GLIS3: variants seen among roughly 807,000 people sequenced by gnomAD.
GLIS3 encodes zinc finger protein GLIS3.
In GLIS3, 53 loss-of-function variants were observed where a neutral mutation model predicts 78.6. The observed-to-expected ratio is 0.67, with a 90% CI of 0.54 to 0.85. GLIS3 has a LOEUF of 0.85. Among genes scored for constraint, GLIS3 ranks in the 40% least tolerant of loss-of-function variants. The pLI is 0.00. For missense variants in GLIS3, 1,703 were observed against 1,231.1 expected (o/e 1.38, Z -5.74); for synonymous variants, 684 against 509.9 (o/e 1.34, Z -4.60).
intron 6 of GLIS3, 135 bp downstream of exon 6, chr9:3,932,225 T>C (rs1825665663): frequency 2.9e-6 from 2 of 692,834 alleles, no homozygotes; most frequent in Non-Finnish European, 5.3e-6. Context: ...ATGGGAGACT[T>C]ACCTCCTCAA....
chr9:4,012,079 C>T (rs1822061498), intron 4 of GLIS3, among the ~76,000 whole-genome samples: 1 of 152,120 alleles, frequency 6.6e-6, no homozygotes. Flanking sequence ...GTAAAACATA[C>T]AACAAAACCC....
At chr9:4,261,383 CA>C (rs1825511817) in intron 2 of GLIS3, among the ~76,000 whole-genome samples, 2 of 151,908 alleles carry the variant, frequency 1.3e-5, no homozygotes, top group South Asian at 4.2e-4. Context: ...GAAAGGGAGA[CA>C]GGGGAGGGTA....
chr9:4,243,626 G>A (rs1445477360), intron 2 of GLIS3, among the ~76,000 whole-genome samples: 1 of 152,140 alleles, frequency 6.6e-6, no homozygotes. Flanking sequence ...AGATTTAATA[G>A]CCATTTTCAA....
chr9:4,025,589 T>C (rs973738745), intron 4 of GLIS3, among the ~76,000 whole-genome samples: 1 of 152,124 alleles, frequency 6.6e-6, no homozygotes, highest in Non-Finnish European at 1.5e-5. Flanking sequence ...GGTTTCACCA[T>C]GTTTGCCAGG....
intron 7 of GLIS3, among the ~76,000 whole-genome samples, chr9:3,882,285 A>T (rs375615957): frequency 2.6e-5 from 4 of 151,912 alleles, no homozygotes; most frequent in African/African-American, 9.7e-5. Context: ...TTATCCACCA[A>T]CTCCTATTTT....
At chr9:4,038,446 G>A (rs780756065) in intron 4 of GLIS3, among the ~76,000 whole-genome samples, 3 of 152,182 alleles carry the variant, frequency 2.0e-5, no homozygotes, top group Non-Finnish European at 4.4e-5. Flanking sequence ...ATGCCAAATA[G>A]TCCCAGCTTG....
At chr9:4,359,230 G>GA in the GLIS3 span, among the ~76,000 whole-genome samples, 1 of 151,676 alleles carries the variant, frequency 6.6e-6, no homozygotes, top group Non-Finnish European at 1.5e-5. Context: ...GAGCGCGTGT[G>GA]AATCTCCCTG....
chr9:3,829,546 G>T, intron 9 of GLIS3, 54 bp from the exon 10 acceptor site: 1 of 1,593,006 alleles, frequency 6.3e-7, no homozygotes, highest in Non-Finnish European at 8.6e-7. Flanking sequence ...AAGTTCCACA[G>T]ATCATTCCAA....
At chr9:4,362,796 C>G in the GLIS3 span, among the ~76,000 whole-genome samples, 3 of 152,144 alleles carry the variant, frequency 2.0e-5, no homozygotes, top group African/African-American at 7.2e-5. Flanking sequence ...TCTGCAGGAC[C>G]TAGAGAGCTT....
intron 4 of GLIS3, among the ~76,000 whole-genome samples, chr9:3,969,607 T>C (rs1200602804): frequency 6.6e-6 from 1 of 152,196 alleles, no homozygotes; most frequent in Non-Finnish European, 1.5e-5. Flanking sequence ...TCAGCTGGGC[T>C]CAAGATTCCA....
At chr9:4,402,457 T>C in the GLIS3 span, among the ~76,000 whole-genome samples, 1 of 152,148 alleles carries the variant, frequency 6.6e-6, no homozygotes, top group African/African-American at 2.4e-5. Context: ...CAGGAAAACA[T>C]GACCTCACCA....
In GLIS3 at chr9:4,287,863, G is replaced by C. The variant is rs75256582; in HGVS notation, c.-98-1340C>G. Among the ~76,000 whole-genome samples, 800 of 152,342 alleles carry C rather than the reference G, an allele frequency of 5.3e-3. 7 individuals are homozygous for C. Among genetic ancestry groups the C allele is most frequent in the Non-Finnish European group, 6.8e-3 (463 of 68,034 alleles). ...ATGCCTTCTGCAAAGTTTGCTGTGT[G>C]TGCCTATCTTGAGGAAATTCAAAAG... On this transcript the variant is annotated intron_variant, in intron 1 of 10. Coordinates refer to ENST00000381971, the MANE Select transcript of GLIS3 (RefSeq NM_001042413.2).
chr9:4,117,886 C>T lies in GLIS3; in HGVS notation c.1592G>A (p.Gly531Glu). The T allele has an allele frequency of 6.2e-7, 1 of 1,614,138 alleles. No individual in the cohort carries two copies. The highest frequency in any genetic ancestry group is 1.3e-5 in the African/African-American group (1 of 75,032). The change falls in exon 4 of 11, where the codon GGG (glycine) becomes GAG (glutamate). Residue 531 changes from glycine (G) to glutamate (E), a missense_variant. Gly to Glu is a moderately conservative substitution (Grantham distance 98). Transcript: ENST00000381971. ...IEKVHIDQRKGEDFTCFWAGC... is the reference protein window; with the variant it reads ...IEKVHIDQRKEEDFTCFWAGC... The stretch of plus-strand genomic sequence containing the variant: ...GGCCCAGAAGCAAGTGAAGTCCTCC[C>T]CTTTGCGCTGGTCGATGTGGACCTT...
At chr9:4,057,407 A>G (rs1313326476) in intron 4 of GLIS3, among the ~76,000 whole-genome samples, 1 of 152,190 alleles carries the variant, frequency 6.6e-6, no homozygotes, top group African/African-American at 2.4e-5. Context: ...ATATCATAAC[A>G]TTTTTATGCT....
At chr9:3,844,374 A>G (rs1256450416) in intron 9 of GLIS3, among the ~76,000 whole-genome samples, 1 of 140,912 alleles carries the variant, frequency 7.1e-6, no homozygotes, top group Non-Finnish European at 1.7e-5. Context: ...TTAGCCCTGA[A>G]GAGTCCAACA....
chr9:3,902,766 T>C (rs1331182991), intron 6 of GLIS3, among the ~76,000 whole-genome samples: 3 of 152,222 alleles, frequency 2.0e-5, no homozygotes, highest in Non-Finnish European at 4.4e-5. Flanking sequence ...AACTAATAGT[T>C]TTCTGTTTAT....
chr9:3,856,148 G>A lies in GLIS3; in HGVS notation c.2334C>T (p.Ser778=), dbSNP rs1166875378. 2 of 1,614,010 alleles carry A rather than the reference G, an allele frequency of 1.2e-6. No individual in the cohort carries two copies. Among genetic ancestry groups the A allele is most frequent in the African/African-American group, 1.3e-5 (1 of 74,920 alleles). The change falls in exon 9 of 11, where the codon AGC becomes AGT. Residue 778 remains serine, a synonymous_variant. Coordinates refer to ENST00000381971, the MANE Select transcript of GLIS3 (RefSeq NM_001042413.2). ...AAGAAGGAGCTGGAACTCTCCGGGG[G>A]CTGATGTGGTGAGGAGATGGAGCAG... ...APSAPSPHHI[S]PRRVPAPSSI... is the part of the protein sequence containing the mutation.
chr9:3,893,219 G>T (rs1052690661), intron 7 of GLIS3, among the ~76,000 whole-genome samples: 3 of 152,128 alleles, frequency 2.0e-5, no homozygotes, highest in African/African-American at 7.2e-5. Flanking sequence ...GTACGGAATT[G>T]TTTTTGCTCA....
chr9:4,137,359 TA>T (rs1037439301), intron 2 of GLIS3, among the ~76,000 whole-genome samples: 2 of 152,192 alleles, frequency 1.3e-5, no homozygotes, highest in African/African-American at 4.8e-5. Context: ...ACAAAGAACA[TA>T]ACTTTCATAC....
Sources: gnomAD v4.1 joint callset for allele counts (sites outside exome capture counted in the v4.1 genomes callset) on GRCh38, gnomAD v4.1.1 for gene constraint, MANE v1.5 for transcripts, NCBI Gene and HGNC (gene_info 2026-07-23, HGNC 2026-07-21) for gene names.